The following TCP11L2 variants were observed in gnomAD, a reference collection of about 807,000 sequenced individuals.
TCP11L2 encodes the protein T-complex protein 11-like protein 2.
A neutral mutation model predicts 50.7 loss-of-function variants in TCP11L2; 39 were observed. The ratio of observed to expected loss-of-function variants is 0.77; its 90% CI spans 0.60 to 1.01. TCP11L2 has a LOEUF of 1.01. Ranked by LOEUF, TCP11L2 falls within the 50% of genes least tolerant of loss-of-function variation. TCP11L2 has a pLI of 0.00. For synonymous variants in TCP11L2, 192 were observed against 219.3 expected (o/e 0.88, Z 1.10); for missense variants, 612 against 614.7 (o/e 1.00, Z 0.05).
At chr12:106,312,473 T>G (rs2034899219) in intron 2 of TCP11L2, 1 of 1,060,674 alleles carries the variant, frequency 9.4e-7, no homozygotes, top group African/African-American at 1.7e-5. Context: ...CTGTATGTGG[T>G]GTTGTTGCAT....
At chr12:106,315,119 C>T (rs2035027918) in intron 3 of TCP11L2, among the ~76,000 whole-genome samples, 1 of 152,030 alleles carries the variant, frequency 6.6e-6, no homozygotes, top group African/African-American at 2.4e-5. Flanking sequence ...GCGTGTAATC[C>T]CAGCTACTTG....
upstream of TCP11L2, among the ~76,000 whole-genome samples, chr12:106,298,261 A>G (rs2034375306): frequency 6.6e-6 from 1 of 152,190 alleles, no homozygotes; most frequent in African/African-American, 2.4e-5. Flanking sequence ...AAAATTGCCT[A>G]AAAGGTGTGG....
At chr12:106,305,932 AG>A (rs1310244982) in intron 1 of TCP11L2, among the ~76,000 whole-genome samples, 1 of 152,208 alleles carries the variant, frequency 6.6e-6, no homozygotes, top group Admixed American at 6.5e-5. Flanking sequence ...AAGATCACAG[AG>A]GGTTGTAAAC....
intron 9 of TCP11L2, among the ~76,000 whole-genome samples, chr12:106,341,462 A>G (rs906107456): frequency 6.6e-6 from 1 of 152,228 alleles, no homozygotes. Flanking sequence ...GACTGTCTCA[A>G]AGTCAAGCTG....
upstream of TCP11L2, among the ~76,000 whole-genome samples, chr12:106,302,358 C>T (rs1440936455): frequency 9.0e-6 from 1 of 111,368 alleles, no homozygotes; most frequent in Non-Finnish European, 1.8e-5. Flanking sequence ...GCTCAGCCCC[C>T]GCTCAGCCCC....
At chr12:106,323,866 G>T (rs989337205) in intron 6 of TCP11L2, 10 of 213,248 alleles carry the variant, frequency 4.7e-5, no homozygotes, top group Non-Finnish European at 7.9e-5. Context: ...AAAGAATTTT[G>T]GCCTTTCTAT....
intron 8 of TCP11L2, among the ~76,000 whole-genome samples, chr12:106,337,032 G>A (rs907403881): frequency 6.6e-6 from 1 of 151,600 alleles, no homozygotes; most frequent in African/African-American, 2.4e-5. Flanking sequence ...ATCCCATTTA[G>A]ATTTTGCATT....
At chr12:106,327,203 T>C (rs900891541) in intron 6 of TCP11L2, among the ~76,000 whole-genome samples, 1 of 152,168 alleles carries the variant, frequency 6.6e-6, no homozygotes, top group African/African-American at 2.4e-5. Context: ...CCCCCCTGTT[T>C]GTCTTTAAGA....
At chr12:106,318,584 C>G in intron 4 of TCP11L2, 120 bp downstream of exon 4, 2 of 1,246,748 alleles carry the variant, frequency 1.6e-6, no homozygotes, top group Non-Finnish European at 2.2e-6. Flanking sequence ...GTACTGGAGG[C>G]TGGGAAGTCC....
chr12:106,307,589 A>G (rs2034682330), intron 1 of TCP11L2, among the ~76,000 whole-genome samples: 1 of 152,306 alleles, frequency 6.6e-6, no homozygotes, highest in Non-Finnish European at 1.5e-5. Flanking sequence ...TCCCCAGGTG[A>G]CTTACTTGGA....
At chr12:106,302,567 C>T (rs2034456794), upstream of TCP11L2, among the ~76,000 whole-genome samples, 1 of 151,624 alleles carries the variant, frequency 6.6e-6, no homozygotes, top group African/African-American at 2.4e-5. Flanking sequence ...GGAACCGTGC[C>T]CTCTCGCATC....
At chr12:106,344,353 A>C (rs1037583713) in intron 9 of TCP11L2, among the ~76,000 whole-genome samples, 5 of 152,196 alleles carry the variant, frequency 3.3e-5, no homozygotes, top group Admixed American at 2.0e-4. Context: ...AAGATAAAAA[A>C]GATATAAACC....
At chr12:106,306,103 G>A (rs889587144) in intron 1 of TCP11L2, among the ~76,000 whole-genome samples, 2 of 152,242 alleles carry the variant, frequency 1.3e-5, no homozygotes, top group Non-Finnish European at 2.9e-5. Flanking sequence ...GTCTAGAAGA[G>A]TTCTTGTAAT....
intron 9 of TCP11L2, among the ~76,000 whole-genome samples, chr12:106,342,954 A>G (rs2136836687): frequency 6.6e-6 from 1 of 152,334 alleles, no homozygotes; most frequent in Admixed American, 6.5e-5. Context: ...AAAATCTGGT[A>G]AAGCAACTTT....
At chr12:106,328,565 A>C (rs2035636668) in intron 6 of TCP11L2, among the ~76,000 whole-genome samples, 1 of 152,150 alleles carries the variant, frequency 6.6e-6, no homozygotes, top group South Asian at 2.1e-4. Flanking sequence ...AAAACAAAAC[A>C]AAAAACAGTG....
At chr12:106,324,446 A>G (rs2035467947) in intron 6 of TCP11L2, 1 of 152,182 alleles carries the variant, frequency 6.6e-6, no homozygotes, top group South Asian at 2.1e-4. Flanking sequence ...GGTCACATAG[A>G]GCATTGTTAG....
chr12:106,341,659 G>A (rs1284691252), intron 9 of TCP11L2, among the ~76,000 whole-genome samples: 1 of 152,216 alleles, frequency 6.6e-6, no homozygotes, highest in Non-Finnish European at 1.5e-5. Context: ...ACTGGCACTA[G>A]TTTTCCCGCC....
At chr12:106,336,464 A>C (rs1017948718) in intron 8 of TCP11L2, among the ~76,000 whole-genome samples, 20 of 152,152 alleles carry the variant, frequency 1.3e-4, no homozygotes, top group Admixed American at 7.2e-4. Flanking sequence ...ATGAATGTGT[A>C]CAACAGCTTT....
At chr12:106,345,540 G>T (rs1439812380) in intron 9 of TCP11L2, among the ~76,000 whole-genome samples, 1 of 152,160 alleles carries the variant, frequency 6.6e-6, no homozygotes, top group Non-Finnish European at 1.5e-5. Flanking sequence ...GACACTGCAT[G>T]GGCCAGACTG....
Sources: gnomAD v4.1 joint callset for allele counts (sites outside exome capture counted in the v4.1 genomes callset) on GRCh38, gnomAD v4.1.1 for gene constraint, MANE v1.5 for transcripts, NCBI Gene and HGNC (gene_info 2026-07-23, HGNC 2026-07-21) for gene names.